VAV3: variants seen among roughly 807,000 people sequenced by gnomAD.
VAV3 encodes the protein vav guanine nucleotide exchange factor 3.
Under a neutral mutation model 131.2 loss-of-function variants are expected in VAV3, and 94 were observed. That is an observed-to-expected ratio of 0.72 (90% confidence interval 0.61 to 0.85). The LOEUF (loss-of-function observed/expected upper bound fraction) is 0.85. Among genes scored for constraint, VAV3 ranks in the 40% least tolerant of loss-of-function variants. The pLI is 0.00. For synonymous variants in VAV3, 349 were observed against 342.0 expected, an observed-to-expected ratio of 1.02 and a Z score of -0.22; for missense variants, 939 against 1,002.7, an observed-to-expected ratio of 0.94 and a Z score of 0.86.
chr1:107,807,104 C>T (rs979799423), intron 2 of VAV3, among the ~76,000 whole-genome samples: 6 of 152,146 alleles, frequency 3.9e-5, no homozygotes, highest in African/African-American at 1.2e-4. Flanking sequence ...CAGTTCAGTA[C>T]AGAAGGACGA....
chr1:107,734,615 G>T (rs1330130123), intron 15 of VAV3, among the ~76,000 whole-genome samples: 1 of 152,100 alleles, frequency 6.6e-6, no homozygotes, highest in Admixed American at 6.6e-5. Flanking sequence ...GACAAAGAAG[G>T]CCATTACATA....
At chr1:107,622,167 G>A (rs975548273) in intron 20 of VAV3, among the ~76,000 whole-genome samples, 7 of 152,000 alleles carry the variant, frequency 4.6e-5, no homozygotes, top group Non-Finnish European at 7.4e-5. Context: ...TGACATTCCC[G>A]AACATCACAA....
chr1:107,597,425 T>G (rs1200317600), intron 24 of VAV3, among the ~76,000 whole-genome samples: 1 of 152,216 alleles, frequency 6.6e-6, no homozygotes, highest in African/African-American at 2.4e-5. Context: ...TGGAATGCAC[T>G]GTACCAGGAG....
intron 2 of VAV3, among the ~76,000 whole-genome samples, chr1:107,831,224 A>T (rs1668234316): frequency 6.6e-6 from 1 of 152,222 alleles, no homozygotes; most frequent in Non-Finnish European, 1.5e-5. Flanking sequence ...GTTTTTATAA[A>T]CAATACATGA....
chr1:107,652,626 T>TAC (rs1656259104), intron 19 of VAV3, among the ~76,000 whole-genome samples: 2 of 152,162 alleles, frequency 1.3e-5, no homozygotes, highest in Non-Finnish European at 2.9e-5. Context: ...CTTGTTTTCA[T>TAC]ATATATATTT....
intron 2 of VAV3, chr1:107,785,706 C>T (rs1665942494): frequency 9.6e-7 from 1 of 1,037,614 alleles, no homozygotes; most frequent in Non-Finnish European, 1.2e-6. Flanking sequence ...GGCATGAGTG[C>T]TGGGTGGAGA....
intron 1 of VAV3, among the ~76,000 whole-genome samples, chr1:107,934,925 G>GCACGAC (rs1179486120): frequency 6.6e-6 from 1 of 152,230 alleles, no homozygotes; most frequent in Non-Finnish European, 1.5e-5. Flanking sequence ...CAGGCTATCT[G>GCACGAC]CAGCTTTGAG....
At chr1:107,838,316 A>G (rs1346906449) in intron 2 of VAV3, among the ~76,000 whole-genome samples, 1 of 152,232 alleles carries the variant, frequency 6.6e-6, no homozygotes, top group Non-Finnish European at 1.5e-5. Context: ...GACCCTTCTC[A>G]AAAGAGAACA....
chr1:107,675,162 CAT>C (rs1395736633), intron 19 of VAV3, among the ~76,000 whole-genome samples: 2 of 152,180 alleles, frequency 1.3e-5, no homozygotes, highest in Non-Finnish European at 2.9e-5. Context: ...TGAGATAACA[CAT>C]GTGTGTCGTT....
At chr1:107,617,864 G>T (rs1033809059) in intron 20 of VAV3, among the ~76,000 whole-genome samples, 1 of 152,140 alleles carries the variant, frequency 6.6e-6, no homozygotes, top group Non-Finnish European at 1.5e-5. Context: ...AATAATTCAA[G>T]TTTATTTTTC....
At chr1:107,895,309 T>G (rs2101071271) in intron 1 of VAV3, among the ~76,000 whole-genome samples, 1 of 152,348 alleles carries the variant, frequency 6.6e-6, no homozygotes, top group South Asian at 2.1e-4. Context: ...AACATTTGTA[T>G]TCCACTTACA....
intron 5 of VAV3, among the ~76,000 whole-genome samples, chr1:107,771,820 G>C (rs535712673): frequency 3.9e-5 from 6 of 152,218 alleles, no homozygotes; most frequent in African/African-American, 1.4e-4. Flanking sequence ...ACAATTACAG[G>C]AGGCACAGAT....
intron 19 of VAV3, among the ~76,000 whole-genome samples, chr1:107,653,242 T>C (rs1355016362): frequency 6.6e-6 from 1 of 151,938 alleles, no homozygotes; most frequent in Non-Finnish European, 1.5e-5. Flanking sequence ...GCTGATTTTT[T>C]TTTTTAAAGA....
At chr1:107,850,037 T>C (rs1398463317) in intron 2 of VAV3, among the ~76,000 whole-genome samples, 1 of 152,134 alleles carries the variant, frequency 6.6e-6, no homozygotes, top group Non-Finnish European at 1.5e-5. Context: ...CTCATGCCAG[T>C]TAGAATGGCA....
At chr1:107,608,286 T>C (rs1482227918) in intron 22 of VAV3, among the ~76,000 whole-genome samples, 2 of 152,216 alleles carry the variant, frequency 1.3e-5, no homozygotes, top group Non-Finnish European at 2.9e-5. Flanking sequence ...ATAAAATCCA[T>C]GCAGTTTGAG....
At chr1:107,944,124 A>G (rs920935320) in intron 1 of VAV3, among the ~76,000 whole-genome samples, 1 of 152,250 alleles carries the variant, frequency 6.6e-6, no homozygotes, top group Non-Finnish European at 1.5e-5. Context: ...AAACCCAAGG[A>G]GCAAAGATAC....
At chr1:107,720,245 T>C (rs1331598674) in intron 15 of VAV3, among the ~76,000 whole-genome samples, 1 of 151,792 alleles carries the variant, frequency 6.6e-6, no homozygotes, top group Non-Finnish European at 1.5e-5. Flanking sequence ...TAGCCACGTA[T>C]GGTGGCACAT....
chr1:107,628,451 CCAAGT>C (rs950987666), intron 20 of VAV3, among the ~76,000 whole-genome samples: 3 of 152,052 alleles, frequency 2.0e-5, no homozygotes, highest in African/African-American at 7.2e-5. Flanking sequence ...TTGCCCCTGG[CCAAGT>C]CAAGAGCCCA....
At chr1:107,920,751 T>C (rs1672856309) in intron 1 of VAV3, among the ~76,000 whole-genome samples, 1 of 152,230 alleles carries the variant, frequency 6.6e-6, no homozygotes, top group Non-Finnish European at 1.5e-5. Context: ...CTCCCCCTAC[T>C]GAATTTCCTA....
Sources: allele counts gnomAD v4.1 joint callset (sites outside exome capture counted in the v4.1 genomes callset), GRCh38; gene constraint gnomAD v4.1.1; transcripts MANE v1.5; gene names NCBI Gene and HGNC (gene_info 2026-07-23, HGNC 2026-07-21).